RTCB: variants seen among roughly 807,000 people sequenced by gnomAD.
The protein encoded by RTCB is RNA-splicing ligase RTCB.
In RTCB, 32 loss-of-function variants were observed where a neutral mutation model predicts 58.2. That is an observed-to-expected ratio of 0.55 (90% CI 0.41 to 0.74). The LOEUF (loss-of-function observed/expected upper bound fraction) is 0.74. Ranked by LOEUF, RTCB falls within the 30% of genes least tolerant of loss-of-function variation. The probability of loss-of-function intolerance (pLI) is 0.00; values close to 1 mark genes in which losing one functional copy is unlikely to be tolerated. For missense variants in RTCB, 523 were observed against 639.0 expected, an observed-to-expected ratio of 0.82 and a Z score of 1.96; for synonymous variants, 247 against 218.6, an observed-to-expected ratio of 1.13 and a Z score of -1.15.
chr22:32,391,408 T>C (rs189711812), intron 11 of RTCB, among the ~76,000 whole-genome samples: 2 of 151,938 alleles, frequency 1.3e-5, no homozygotes, highest in Non-Finnish European at 2.9e-5. Flanking sequence ...TTTTTTTTTT[T>C]TTTTTGAGAC....
intron 1 of RTCB, among the ~76,000 whole-genome samples, chr22:32,409,420 A>T (rs2413114): frequency 0.32 from 49,163 of 151,914 alleles, 8,209 homozygotes; most frequent in Middle Eastern, 0.47. Context: ...ATAATTTTTT[A>T]AAAAATCTAT....
At chr22:32,401,609 T>TA in intron 5 of RTCB, 138 bp downstream of exon 5, 7 of 977,566 alleles carry the variant, frequency 7.2e-6, no homozygotes, top group Non-Finnish European at 8.9e-6. Context: ...ACCTCATGCT[T>TA]AAAAAAACAG....
rs1278571191 is a variant in RTCB at position 32,408,763 on chromosome 22, C to T, written c.164G>A (p.Arg55Gln). The T allele has an allele frequency of 2.5e-6, 4 of 1,612,998 alleles. No individual in the cohort carries two copies. The highest frequency in any genetic ancestry group is 3.4e-6 in the Non-Finnish European group (4 of 1,178,970). Residue 55 changes from arginine to glutamine, a missense_variant, in exon 2 of 12, where the codon CGA (arginine) becomes CAA (glutamine). Around this residue, in one of 3 missense-constraint regions of RTCB, gnomAD observed 134 missense variants for 129.9 expected, o/e 1.03. Coordinates refer to ENST00000216038, the MANE Select transcript of RTCB (RefSeq NM_014306.5). ...LMFEELRNAC[R>Q]GGGVGGFLPA... Reference sequence around the variant, plus strand: ...AACTCTAATGTACTTACCACCACCTCGACAGGCATTCCTTAATTCCTCAAA... The same window carrying T: ...AACTCTAATGTACTTACCACCACCTTGACAGGCATTCCTTAATTCCTCAAA...
chr22:32,397,731 A>G (rs548682786), intron 7 of RTCB, among the ~76,000 whole-genome samples: 1 of 152,366 alleles, frequency 6.6e-6, no homozygotes, highest in Admixed American at 6.5e-5. Context: ...CTTTACATAT[A>G]TTATTAACTT....
In RTCB at chr22:32,388,099, C is replaced by A. The variant is rs752729116; in HGVS notation, c.1411G>T (p.Ala471Ser). The A allele has an allele frequency of 6.3e-7, 1 of 1,595,822 alleles. No individual in the cohort carries two copies. The highest frequency in any genetic ancestry group is 1.1e-5 in the South Asian group (1 of 90,582). ...VASPKLVMEE[A>S]PESYKNVTDV... is the part of the protein sequence containing the mutation. ...GTCACATTCTTATAGGACTCAGGAG[C>A]CTGCAGGAGAGGAATTTAAACATTG... Residue 471 changes from alanine to serine, a missense_variant and splice_region_variant, in exon 12 of 12, where the codon GCT (alanine) becomes TCT (serine). Transcript: ENST00000216038.
At chr22:32,398,221 T>C in intron 6 of RTCB, 121 bp from the exon 7 acceptor site, 1 of 1,121,994 alleles carries the variant, frequency 8.9e-7, no homozygotes, top group East Asian at 2.6e-5. Flanking sequence ...AGTGTTTCAG[T>C]AACAAAAAAA....
rs986438155 is a variant in RTCB at position 32,388,117 on chromosome 22, A to G, written c.1411-18T>C. ...TCAGGAGCCTGCAGGAGAGGAATTT[A>G]AACATTGTACAAGTCCACTGAAAAC... On this transcript the variant is annotated intron_variant, in intron 11 of 11. Coordinates refer to ENST00000216038, the MANE Select transcript of RTCB (RefSeq NM_014306.5). 6.6e-6 allele frequency: 10 copies of G among 1,507,432 alleles called. No individual in the cohort carries two copies. Among genetic ancestry groups the G allele is most frequent in the African/African-American group, 1.4e-5 (1 of 72,796 alleles). The allele number at this position is 1,507,432 out of a possible 1,614,324, so 93.4% of individuals were successfully genotyped here.
intron 5 of RTCB, 37 bp downstream of exon 5, chr22:32,401,710 C>A: frequency 1.2e-6 from 2 of 1,601,828 alleles, no homozygotes; most frequent in Non-Finnish European, 8.5e-7. Context: ...TGGTTATTAT[C>A]CCTCCCATAC....
intron 4 of RTCB, among the ~76,000 whole-genome samples, chr22:32,405,902 G>A (rs992982624): frequency 5.9e-5 from 9 of 152,070 alleles, no homozygotes; most frequent in Non-Finnish European, 1.0e-4. Context: ...AGCAGAAGGC[G>A]TATGCAACCT....
At chr22:32,405,388 C>T (rs1369691296) in intron 4 of RTCB, among the ~76,000 whole-genome samples, 1 of 152,008 alleles carries the variant, frequency 6.6e-6, no homozygotes, top group Non-Finnish European at 1.5e-5. Context: ...CCTGCTTTAC[C>T]GCTCAGCATG....
intron 8 of RTCB, 84 bp from the exon 9 acceptor site, chr22:32,395,298 G>A: frequency 2.5e-6 from 3 of 1,209,952 alleles, no homozygotes; most frequent in Admixed American, 2.0e-5. Flanking sequence ...CTGGTTTCAG[G>A]TAGTCTGTTC....
chr22:32,411,330 A>T (rs1164520773), intron 1 of RTCB, among the ~76,000 whole-genome samples: 1 of 152,196 alleles, frequency 6.6e-6, no homozygotes, highest in African/African-American at 2.4e-5. Flanking sequence ...TAAAAATATG[A>T]GCACAGATGG....
intron 11 of RTCB, among the ~76,000 whole-genome samples, chr22:32,391,220 C>T (rs1050185762): frequency 6.6e-6 from 1 of 152,150 alleles, no homozygotes; most frequent in Non-Finnish European, 1.5e-5. Context: ...ATGTCCACTA[C>T]AGGCAGAAAG....
In RTCB at chr22:32,390,453, C is replaced by CT. The variant is rs1303865991; in HGVS notation, c.1410+1786dup. Among the ~76,000 whole-genome samples the CT allele has an allele frequency of 2.6e-3, 374 of 145,330 alleles. 1 individual carries two copies. Among genetic ancestry groups the CT allele is most frequent in the African/African-American group, 5.7e-3 (229 of 39,956 alleles). On this transcript the variant is annotated intron_variant, in intron 11 of 11. Coordinates refer to ENST00000216038, the MANE Select transcript of RTCB (RefSeq NM_014306.5). The stretch of plus-strand genomic sequence containing the variant: ...TTTTCTCCTTTGTATTTTCCAAATC[C>CT]TTTTTTTTTTTTTGAGATGGAGTGT...
chr22:32,402,784 C>CA (rs768748030), intron 4 of RTCB, among the ~76,000 whole-genome samples: 9 of 152,152 alleles, frequency 5.9e-5, no homozygotes, highest in African/African-American at 9.7e-5. Context: ...CTTGTTCTCT[C>CA]ACCCAGGCTG....
At chr22:32,388,335 A>G (rs1344177095) in intron 11 of RTCB, among the ~76,000 whole-genome samples, 1 of 151,968 alleles carries the variant, frequency 6.6e-6, no homozygotes, top group Non-Finnish European at 1.5e-5. Context: ...TTTAAAGAAC[A>G]TGTATTACTT....
At chr22:32,389,326 G>C (rs1356458117) in intron 11 of RTCB, among the ~76,000 whole-genome samples, 1 of 152,072 alleles carries the variant, frequency 6.6e-6, no homozygotes, top group Non-Finnish European at 1.5e-5. Context: ...AATAGAAGCA[G>C]CCAGAATATT....
chr22:32,411,315 A>G (rs914703622), intron 1 of RTCB, among the ~76,000 whole-genome samples: 5 of 152,182 alleles, frequency 3.3e-5, no homozygotes, highest in African/African-American at 9.7e-5. Context: ...CTTTTTTCAC[A>G]TTAATAAAAA....
chr22:32,388,105 G>T lies in RTCB; in HGVS notation c.1411-6C>A, dbSNP rs1395414562. The T allele has an allele frequency of 1.3e-6, 2 of 1,578,212 alleles. No homozygotes were observed. Among genetic ancestry groups the T allele is most frequent in the Admixed American group, 3.3e-5 (2 of 59,950 alleles). On this transcript the variant is annotated splice_polypyrimidine_tract_variant and splice_region_variant and intron_variant, in intron 11 of 11. Coordinates refer to ENST00000216038, the MANE Select transcript of RTCB (RefSeq NM_014306.5). Reference sequence around the variant, plus strand: ...TTCTTATAGGACTCAGGAGCCTGCAGGAGAGGAATTTAAACATTGTACAAG... The same window carrying T: ...TTCTTATAGGACTCAGGAGCCTGCATGAGAGGAATTTAAACATTGTACAAG...
Sources: allele counts gnomAD v4.1 joint callset (sites outside exome capture counted in the v4.1 genomes callset), GRCh38; gene constraint gnomAD v4.1.1; regional missense constraint gnomAD v4.1.1; transcripts MANE v1.5; gene names NCBI Gene and HGNC (gene_info 2026-07-23, HGNC 2026-07-21).